The following FAAH2 variants were observed in gnomAD, a reference collection of about 807,000 sequenced individuals.
FAAH2 encodes fatty-acid amide hydrolase 2.
In FAAH2, 60 loss-of-function variants were observed where a neutral mutation model predicts 36.9. The observed-to-expected ratio is 1.63, with a 90% confidence interval of 1.32 to 2.02. The LOEUF (loss-of-function observed/expected upper bound fraction) is 2.02, where lower values mean the gene tolerates loss of function less well. Ranked by LOEUF, FAAH2 falls within the 30% of genes most tolerant of loss-of-function variation. The pLI is 0.00. For synonymous variants in FAAH2, 214 were observed against 143.8 expected, an observed-to-expected ratio of 1.49 and a Z score of -3.49; for missense variants, 689 against 397.5, an observed-to-expected ratio of 1.73 and a Z score of -6.23.
intron 7 of FAAH2, among the ~76,000 whole-genome samples, chrX:57,407,377 C>T (rs748104543): frequency 8.9e-6 from 1 of 111,892 alleles, no homozygotes; most frequent in East Asian, 2.8e-4. Flanking sequence ...GAAGTTCCCA[C>T]ATAACCATTG....
chrX:57,280,292 C>A, the FAAH2 span, among the ~76,000 whole-genome samples: 1 of 107,100 alleles, frequency 9.3e-6, no homozygotes, highest in South Asian at 4.8e-4. Flanking sequence ...AAAAAACAGT[C>A]TTTAATAGAA....
At chrX:57,349,168 CAT>C (rs1405876937) in intron 5 of FAAH2, among the ~76,000 whole-genome samples, 10 of 51,247 alleles carry the variant, frequency 2.0e-4, no homozygotes, top group African/African-American at 3.8e-4. Context: ...AATATATACA[CAT>C]ATATATGTAT....
the FAAH2 span, among the ~76,000 whole-genome samples, chrX:57,273,729 A>G: frequency 8.9e-6 from 1 of 111,980 alleles, no homozygotes. Context: ...TAAAGACACA[A>G]CGTACCAGAA....
At chrX:57,198,163 C>T in the FAAH2 span, among the ~76,000 whole-genome samples, 1 of 111,228 alleles carries the variant, frequency 9.0e-6, no homozygotes, top group African/African-American at 3.3e-5. Context: ...TCTTCTGCTA[C>T]CAGGGCAGCT....
chrX:57,377,769 T>C (rs747164436), intron 5 of FAAH2, among the ~76,000 whole-genome samples: 14 of 112,469 alleles, frequency 1.2e-4, no homozygotes, highest in Non-Finnish European at 2.3e-4. Flanking sequence ...ATTCTTGCTA[T>C]CCATGAGCAT....
intron 2 of FAAH2, among the ~76,000 whole-genome samples, chrX:57,300,069 C>G (rs1365873995): frequency 1.8e-5 from 2 of 111,666 alleles, no homozygotes; most frequent in Admixed American, 1.9e-4. Context: ...CCCCATTAAG[C>G]TACAAATGAC....
At chrX:57,408,401 T>C (rs1436345791) in intron 7 of FAAH2, among the ~76,000 whole-genome samples, 1 of 111,402 alleles carries the variant, frequency 9.0e-6, no homozygotes, top group Non-Finnish European at 1.9e-5. Flanking sequence ...AGTATTTTAA[T>C]CATTTTAATT....
intron 9 of FAAH2, among the ~76,000 whole-genome samples, chrX:57,447,435 G>T (rs1484726071): frequency 1.8e-5 from 2 of 111,725 alleles, no homozygotes; most frequent in Non-Finnish European, 3.8e-5. Context: ...GACTCTGTGT[G>T]GGAGCTTCAA....
chrX:57,141,359 G>T, the FAAH2 span, among the ~76,000 whole-genome samples: 1 of 111,906 alleles, frequency 8.9e-6, no homozygotes, highest in African/African-American at 3.2e-5. Flanking sequence ...GAGGATTTTT[G>T]CATGTATATT....
At chrX:57,340,084 G>C (rs1037295251) in intron 4 of FAAH2, among the ~76,000 whole-genome samples, 1 of 111,812 alleles carries the variant, frequency 8.9e-6, no homozygotes, top group Non-Finnish European at 1.9e-5. Context: ...AGCTGACAAT[G>C]CAGCCTTTAA....
At chrX:57,353,800 CA>C (rs113298416) in intron 5 of FAAH2, among the ~76,000 whole-genome samples, 34,701 of 109,677 alleles carry the variant, frequency 0.32, 4,405 homozygotes, top group Middle Eastern at 0.61. Flanking sequence ...CATAAACAGA[CA>C]TTTTTCAAAT....
the FAAH2 span, among the ~76,000 whole-genome samples, chrX:57,175,585 G>A: frequency 9.0e-6 from 1 of 111,638 alleles, no homozygotes; most frequent in Non-Finnish European, 1.9e-5. Context: ...ATATTGAGAT[G>A]TGAGGTACTA....
chrX:57,176,150 T>C, the FAAH2 span, among the ~76,000 whole-genome samples: 4 of 112,202 alleles, frequency 3.6e-5, no homozygotes, highest in South Asian at 1.5e-3. Context: ...TTCCCTCAAT[T>C]ATTCCCTCAA....
the FAAH2 span, among the ~76,000 whole-genome samples, chrX:57,152,874 T>A: frequency 9.0e-6 from 1 of 110,857 alleles, no homozygotes; most frequent in African/African-American, 3.3e-5. Flanking sequence ...CACTGGGAGA[T>A]GTAGACTGGA....
intron 3 of FAAH2, among the ~76,000 whole-genome samples, chrX:57,330,034 C>T (rs920675526): frequency 6.3e-5 from 7 of 111,352 alleles, no homozygotes; most frequent in South Asian, 7.6e-4. Flanking sequence ...GTGATGATTG[C>T]GTTAACTGCA....
Position 57,440,112 on chromosome X carries a change from G to A in FAAH2, c.1117-6816G>A, listed in dbSNP as rs1320400437. On this transcript the variant is annotated intron_variant, in intron 8 of 10. Coordinates refer to ENST00000374900, the MANE Select transcript of FAAH2 (RefSeq NM_174912.4). The stretch of plus-strand genomic sequence containing the variant: ...TCTTTTTTGGTTACATATGAACTTA[G>A]AGTAGTTTTTTCCAGTTCTGTGAAG... Among the ~76,000 whole-genome samples the A allele has an allele frequency of 3.6e-5, 4 of 111,115 alleles. No individual in the cohort carries two copies. The South Asian group carries it at 1.5e-3, about 42-fold the overall frequency.
chrX:57,263,723 C>G, the FAAH2 span, among the ~76,000 whole-genome samples: 3 of 111,277 alleles, frequency 2.7e-5, no homozygotes, highest in Non-Finnish European at 5.7e-5. Context: ...TTGTATCTGT[C>G]TATTATACCT....
At chrX:57,468,578 C>T (rs1316942872) in intron 10 of FAAH2, among the ~76,000 whole-genome samples, 3 of 111,723 alleles carry the variant, frequency 2.7e-5, no homozygotes, top group African/African-American at 9.8e-5. Context: ...AAGAAAGCAT[C>T]CAAGAAATAT....
intron 5 of FAAH2, among the ~76,000 whole-genome samples, chrX:57,345,195 T>A (rs1284401880): frequency 9.4e-6 from 1 of 106,126 alleles, no homozygotes; most frequent in African/African-American, 3.4e-5. Flanking sequence ...TTCCCTCCTC[T>A]CCCCTCCCCT....
Sources: allele counts gnomAD v4.1 joint callset (sites outside exome capture counted in the v4.1 genomes callset), GRCh38; gene constraint gnomAD v4.1.1; transcripts MANE v1.5; gene names NCBI Gene and HGNC (gene_info 2026-07-23, HGNC 2026-07-21).